The following DHX33 variants were observed in gnomAD, a reference collection of about 807,000 sequenced individuals.
DHX33 encodes the protein ATP-dependent RNA helicase DHX33.
In DHX33, 42 loss-of-function variants were observed where a neutral mutation model predicts 72.5. That is an observed-to-expected ratio of 0.58 (90% CI 0.45 to 0.75). The LOEUF (loss-of-function observed/expected upper bound fraction) is 0.75. Among genes scored for constraint, DHX33 ranks in the 30% least tolerant of loss-of-function variants. The probability of loss-of-function intolerance (pLI) is 0.00; values close to 1 mark genes in which losing one functional copy is unlikely to be tolerated. For missense variants in DHX33, 842 were observed against 917.5 expected (o/e 0.92, Z 1.06); for synonymous variants, 358 against 366.1 (o/e 0.98, Z 0.25).
In DHX33 at chr17:5,443,234, C is replaced by G. The variant is rs1916501106; in HGVS notation, c.*971G>C. On this transcript the variant is annotated 3_prime_UTR_variant, in exon 12 of 12. Transcript: ENST00000225296. Reference sequence around the variant, plus strand: ...TAGGTACCCCTCTCCCCTCCCCCACCCCCACCCCCTCTGACCAGGGGACTG... The same window carrying G: ...TAGGTACCCCTCTCCCCTCCCCCACGCCCACCCCCTCTGACCAGGGGACTG... 6.8e-6 allele frequency: 1 copy of G among 147,980 alleles called. No individual in the cohort carries two copies. The highest frequency in any genetic ancestry group is 2.5e-5 in the African/African-American group (1 of 39,800). 9.2% of individuals were successfully genotyped at this position (147,980 alleles called of 1,614,324 possible).
chr17:5,453,129 C>T (rs1338980748), intron 8 of DHX33, among the ~76,000 whole-genome samples: 1 of 152,190 alleles, frequency 6.6e-6, no homozygotes, highest in Non-Finnish European at 1.5e-5. Flanking sequence ...GATAAAAGTA[C>T]AATTTCATTA....
intron 8 of DHX33, 62 bp from the exon 9 acceptor site, chr17:5,450,996 C>T: frequency 6.3e-7 from 1 of 1,585,898 alleles, no homozygotes; most frequent in East Asian, 2.2e-5. Flanking sequence ...GCAGCTAGTT[C>T]AGTATTTCTG....
intron 1 of DHX33, among the ~76,000 whole-genome samples, chr17:5,465,417 A>G (rs1904836867): frequency 6.6e-6 from 1 of 152,224 alleles, no homozygotes; most frequent in Admixed American, 6.5e-5. Flanking sequence ...ATGCTCCTAT[A>G]CCAGGGCAAC....
Position 5,451,054 on chromosome 17 carries a change from C to A in DHX33, c.1397-120G>T, listed in dbSNP as rs909392224. 6.2e-6 allele frequency: 7 copies of A among 1,130,242 alleles called. No individual in the cohort carries two copies. The African/African-American group carries it at 1.1e-4, about 18-fold the overall frequency. The allele number at this position is 1,130,242 out of a possible 1,614,324, so 70.0% of individuals were successfully genotyped here. A position where few individuals can be genotyped will look rare whatever the true frequency, so the allele number is the denominator to read the frequency against. Reference sequence around the variant, plus strand: ...CAAACAACAGCAAAAATCATAACCGCCACTGCCCCCTTGACACACTTGTCA... The same window carrying A: ...CAAACAACAGCAAAAATCATAACCGACACTGCCCCCTTGACACACTTGTCA... On this transcript the variant is annotated intron_variant, in intron 8 of 11. Transcript: ENST00000225296.
chr17:5,456,046 G>A lies in DHX33; in HGVS notation c.986C>T (p.Ala329Val). 1 of 1,613,314 alleles carries A rather than the reference G, an allele frequency of 6.2e-7. No individual in the cohort carries two copies. Among genetic ancestry groups the A allele is most frequent in the African/African-American group, 1.3e-5 (1 of 75,024 alleles). ...GAGCTGCTGTGCATAGGGCAGGGAG[G>A]CGTACAGAGGAAGGACCAGCATCGC... ...CPAMLVLPLYASLPYAQQLRV... is the reference protein window; with the variant it reads ...CPAMLVLPLYVSLPYAQQLRV... The change falls in exon 5 of 12, where the codon GCC (alanine) becomes GTC (valine). Residue 329 changes from alanine to valine, a missense_variant. By Grantham distance (64) the Ala-to-Val change is moderately conservative. Transcript: ENST00000225296.
rs768113623 is a variant in DHX33, at chr17:5,450,286, G to A, written c.1645C>T (p.Arg549Cys). The A allele has an allele frequency of 3.1e-5, 50 of 1,614,040 alleles. No homozygotes were observed. The highest frequency in any genetic ancestry group is 5.5e-5 in the South Asian group (5 of 91,090). The part of the protein sequence containing the change: ...PSRREEVQGV[R>C]KKFISSEGDH... The stretch of plus-strand genomic sequence containing the variant: ...CCCTCGCTGGATATGAACTTCTTGC[G>A]GACCCCTTGCACTTCCTCTCGCCGG... The change falls in exon 10 of 12, where the codon CGC (arginine) becomes TGC (cysteine). Residue 549 changes from arginine to cysteine, a missense_variant. Arg to Cys is a radical substitution (Grantham distance 180). Coordinates refer to ENST00000225296, the MANE Select transcript of DHX33 (RefSeq NM_020162.4).
intron 2 of DHX33, 47 bp downstream of exon 2, chr17:5,463,482 G>A: frequency 6.3e-7 from 1 of 1,585,950 alleles, no homozygotes; most frequent in Non-Finnish European, 8.6e-7. Context: ...CATGGGGAGA[G>A]AGCTGTTGAG....
At chr17:5,446,665 C>T (rs1457985067) in intron 11 of DHX33, among the ~76,000 whole-genome samples, 3 of 152,150 alleles carry the variant, frequency 2.0e-5, no homozygotes, top group Non-Finnish European at 4.4e-5. Context: ...AGTGTATGTA[C>T]GTCAGGTCAC....
chr17:5,466,647 G>A (rs766432903), intron 1 of DHX33, among the ~76,000 whole-genome samples: 1 of 152,166 alleles, frequency 6.6e-6, no homozygotes, highest in African/African-American at 2.4e-5. Flanking sequence ...AAGTGATTAG[G>A]CCTCCTGAAT....
In DHX33 at chr17:5,457,606, C is replaced by CAAA. The variant is rs55832565; in HGVS notation, c.850-1427_850-1425dup. Among the ~76,000 whole-genome samples the CAAA allele has an allele frequency of 1.8e-3, 176 of 95,714 alleles. 4 individuals carry two copies. The highest frequency in any genetic ancestry group is 0.011 in the Middle Eastern group (2 of 186). The allele number at this position is 95,714 out of a possible 152,430, so 62.8% of individuals were successfully genotyped here. A position where few individuals can be genotyped will look rare whatever the true frequency, so the allele number is the denominator to read the frequency against. On this transcript the variant is annotated intron_variant, in intron 4 of 11. Coordinates refer to ENST00000225296, the MANE Select transcript of DHX33 (RefSeq NM_020162.4). ...TGGGCGACACAGTGAGACTCCATCT[C>CAAA]AAAAAAAAAAAAAAAAAGTGCCTAA...
rs1917063162 is a variant in DHX33, at chr17:5,453,816, C to A, written c.1307+5G>T. On this transcript the variant is annotated splice_donor_5th_base_variant and intron_variant, in intron 7 of 11. Coordinates refer to ENST00000225296, the MANE Select transcript of DHX33 (RefSeq NM_020162.4). ...AGCAGCAGTGCAGGAGCAACTGGTG[C>A]CTACCTCTGGATCTCTGGCACGGTC... 1 of 1,613,656 alleles carries A rather than the reference C, an allele frequency of 6.2e-7. No individual in the cohort carries two copies. Among genetic ancestry groups the A allele is most frequent in the Non-Finnish European group, 8.5e-7 (1 of 1,179,762 alleles).
At chr17:5,455,097 A>G in intron 6 of DHX33, 63 bp downstream of exon 6, 1 of 1,385,030 alleles carries the variant, frequency 7.2e-7, no homozygotes, top group South Asian at 1.2e-5. Flanking sequence ...AAACTGTGGG[A>G]CTACAGTTTC....
chr17:5,451,158 T>G lies in DHX33; in HGVS notation c.1397-224A>C, dbSNP rs530986303. Among the ~76,000 whole-genome samples, 6 of 152,354 alleles carry G rather than the reference T, an allele frequency of 3.9e-5. 1 individual carries two copies. The South Asian group carries it at 1.0e-3, about 26-fold the overall frequency. ...TCTTGCTCTGTTGCCCACACTGAAG[T>G]GCAATGGCGTGATCTCGGCTCATTG... is the stretch of plus-strand genomic sequence containing the variant. On this transcript the variant is annotated intron_variant, in intron 8 of 11. Transcript: ENST00000225296.
intron 4 of DHX33, among the ~76,000 whole-genome samples, chr17:5,457,964 G>A (rs949442045): frequency 6.6e-6 from 1 of 152,184 alleles, no homozygotes; most frequent in Non-Finnish European, 1.5e-5. Context: ...AATGAGAGAT[G>A]AGGAGTCTCA....
chr17:5,464,321 C>A (rs930950149), intron 1 of DHX33, among the ~76,000 whole-genome samples: 1 of 151,730 alleles, frequency 6.6e-6, no homozygotes, highest in African/African-American at 2.4e-5. Context: ...CGGAATGACA[C>A]CCTGTCTTAG....
intron 4 of DHX33, among the ~76,000 whole-genome samples, chr17:5,457,688 TA>T: frequency 6.6e-6 from 1 of 152,070 alleles, no homozygotes; most frequent in East Asian, 1.9e-4. Context: ...TGTATATATG[TA>T]AAAATACGTA....
intron 3 of DHX33, among the ~76,000 whole-genome samples, chr17:5,462,089 G>A (rs1223224063): frequency 6.6e-6 from 1 of 150,724 alleles, no homozygotes; most frequent in East Asian, 2.0e-4. Flanking sequence ...ACAGATGTGT[G>A]CCACCACACC....
In DHX33 at chr17:5,444,026, G is replaced by A. The variant is rs1916534035; in HGVS notation, c.*179C>T. 2 of 676,958 alleles carry A rather than the reference G, an allele frequency of 3.0e-6. No individual in the cohort carries two copies. The highest frequency in any genetic ancestry group is 4.8e-6 in the Non-Finnish European group (2 of 412,506). 41.9% of individuals were successfully genotyped at this position (676,958 alleles called of 1,614,324 possible). A position where few individuals can be genotyped will look rare whatever the true frequency, so the allele number is the denominator to read the frequency against. On this transcript the variant is annotated 3_prime_UTR_variant, in exon 12 of 12. Coordinates refer to ENST00000225296, the MANE Select transcript of DHX33 (RefSeq NM_020162.4). The surrounding 1 kb of genome is among the most constrained non-coding windows in gnomAD (Gnocchi z 4.9). Reference sequence around the variant, plus strand: ...TGAGGTTTCCAGGTACAAATGATATGTCCATGTCTATATGGTTCAGTCCCA... The same window carrying A: ...TGAGGTTTCCAGGTACAAATGATATATCCATGTCTATATGGTTCAGTCCCA...
At position 5,444,582 on chromosome 17, in the gene DHX33, G is replaced by A. The variant is rs1423989828; in HGVS notation, c.1816-69C>T. 2 of 1,513,328 alleles carry A rather than the reference G, an allele frequency of 1.3e-6. No individual in the cohort carries two copies. The highest frequency in any genetic ancestry group is 1.8e-6 in the Non-Finnish European group (2 of 1,120,256). The allele number at this position is 1,513,328 out of a possible 1,614,324, so 93.7% of individuals were successfully genotyped here. On this transcript the variant is annotated intron_variant, in intron 11 of 11. Transcript: ENST00000225296. The surrounding 1 kb of genome is among the most constrained non-coding windows in gnomAD (Gnocchi z 4.9). The stretch of plus-strand genomic sequence containing the variant: ...AACACTGGTCAGCACTACACAGCGT[G>A]TTGGGGCAACTGGACCCACTGGGGC...
Sources: gnomAD v4.1 joint callset for allele counts (sites outside exome capture counted in the v4.1 genomes callset) on GRCh38, gnomAD v4.1.1 for gene constraint, Gnocchi (gnomAD v3.1) non-coding constraint, MANE v1.5 for transcripts, NCBI Gene and HGNC (gene_info 2026-07-23, HGNC 2026-07-21) for gene names.